ETFA: variants seen among roughly 807,000 people sequenced by gnomAD.
ETFA encodes the protein electron transfer flavoprotein subunit alpha, mitochondrial.
In ETFA, 22 loss-of-function variants were observed where a neutral mutation model predicts 46.2. The observed-to-expected ratio is 0.48, with a 90% CI of 0.34 to 0.68. The LOEUF (loss-of-function observed/expected upper bound fraction) is 0.68. Ranked by LOEUF, ETFA falls within the 30% of genes least tolerant of loss-of-function variation. The probability of loss-of-function intolerance (pLI) is 0.01; values close to 1 mark genes in which losing one functional copy is unlikely to be tolerated. For synonymous variants in ETFA, 131 were observed against 139.9 expected, an observed-to-expected ratio of 0.94 and a Z score of 0.45; for missense variants, 345 against 401.1, an observed-to-expected ratio of 0.86 and a Z score of 1.19.
chr15:76,260,665 CG>C, intron 9 of ETFA: 1 of 1,577,746 alleles, frequency 6.3e-7, no homozygotes, highest in Admixed American at 1.7e-5. Flanking sequence ...AAAGGGCCCT[CG>C]GGGATCACTT....
intron 9 of ETFA, chr15:76,259,601 A>C: frequency 1.0e-6 from 1 of 980,992 alleles, no homozygotes; most frequent in Non-Finnish European, 1.6e-6. Flanking sequence ...ACAGGTTGTC[A>C]GCCAGGCTCT....
intron 9 of ETFA, among the ~76,000 whole-genome samples, chr15:76,273,281 G>A (rs756961835): frequency 2.0e-5 from 3 of 152,190 alleles, no homozygotes; most frequent in African/African-American, 2.4e-5. Flanking sequence ...TTCAGGCCGG[G>A]TGCGGTGGCT....
At chr15:76,288,033 T>C in intron 4 of ETFA, 88 bp from the exon 5 acceptor site, 1 of 850,138 alleles carries the variant, frequency 1.2e-6, no homozygotes, top group East Asian at 2.6e-5. Context: ...TAAATGCATA[T>C]TCTGTAGAAA....
intron 3 of ETFA, 22 bp from the exon 4 acceptor site, chr15:76,292,535 T>TA (rs1396619702): frequency 3.1e-6 from 5 of 1,604,254 alleles, no homozygotes; most frequent in East Asian, 2.2e-5. Context: ...ACACATTTGA[T>TA]AAAAAAATAT....
chr15:76,300,094 T>C (rs1418348927), intron 1 of ETFA, among the ~76,000 whole-genome samples: 3 of 152,208 alleles, frequency 2.0e-5, no homozygotes, highest in African/African-American at 7.2e-5. Context: ...ATCTCAGCAA[T>C]GTTTAAAGTT....
rs66595585 is a variant in ETFA, at chr15:76,233,325, CTTTTT to C, written c.817-1932_817-1928del. On this transcript the variant is annotated intron_variant, in intron 9 of 11. Transcript: ENST00000557943. ...TAAGATTTAGAAGTAATTCAATAGG[CTTTTT>C]TTTTTTTTTTTTTTTTTGAGATGGA... Among the ~76,000 whole-genome samples the C allele has an allele frequency of 1.5e-4, 13 of 84,496 alleles. No homozygotes were observed. The South Asian group carries it at 2.3e-3, about 15-fold the overall frequency. The allele number at this position is 84,496 out of a possible 152,430, so 55.4% of individuals were successfully genotyped here.
chr15:76,254,961 C>A (rs1403586317), intron 9 of ETFA, among the ~76,000 whole-genome samples: 1 of 152,110 alleles, frequency 6.6e-6, no homozygotes, highest in East Asian at 1.9e-4. Flanking sequence ...ACACTGTTGT[C>A]TTACATGGCA....
At chr15:76,268,673 T>TC (rs1022857634) in intron 9 of ETFA, among the ~76,000 whole-genome samples, 2 of 152,256 alleles carry the variant, frequency 1.3e-5, no homozygotes, top group East Asian at 3.9e-4. Context: ...AAGACAGACC[T>TC]CCATCCTTCT....
intron 9 of ETFA, chr15:76,260,525 C>T: frequency 6.8e-7 from 1 of 1,476,350 alleles, no homozygotes; most frequent in Non-Finnish European, 9.4e-7. Context: ...TGGAGACACA[C>T]ACACGTACGA....
At chr15:76,287,030 A>G (rs1388116157) in intron 5 of ETFA, among the ~76,000 whole-genome samples, 4 of 151,762 alleles carry the variant, frequency 2.6e-5, no homozygotes, top group Non-Finnish European at 5.9e-5. Context: ...TGAAAAGTCT[A>G]ATTTCAGAAT....
chr15:76,295,820 G>T, intron 1 of ETFA, 83 bp from the exon 2 acceptor site: 1 of 1,043,666 alleles, frequency 9.6e-7, no homozygotes. Context: ...TGTTAAGCAT[G>T]TATGCTTTAA....
chr15:76,307,251 T>C (rs1205110100), intron 1 of ETFA, among the ~76,000 whole-genome samples: 6 of 152,230 alleles, frequency 3.9e-5, no homozygotes, highest in Non-Finnish European at 7.3e-5. Flanking sequence ...TGCAAATGCC[T>C]ACCTATTTGC....
At chr15:76,304,916 A>G (rs897887046) in intron 1 of ETFA, among the ~76,000 whole-genome samples, 5 of 151,422 alleles carry the variant, frequency 3.3e-5, no homozygotes, top group South Asian at 2.1e-4. Flanking sequence ...GGTGGCGGGC[A>G]CCTGTAGTCC....
intron 9 of ETFA, among the ~76,000 whole-genome samples, chr15:76,235,734 T>C (rs1326280219): frequency 6.6e-6 from 1 of 152,158 alleles, no homozygotes; most frequent in African/African-American, 2.4e-5. Context: ...GTGATAGAGC[T>C]ACAGTCTCTC....
chr15:76,305,055 AAG>A (rs2039927052), intron 1 of ETFA, among the ~76,000 whole-genome samples: 1 of 150,972 alleles, frequency 6.6e-6, no homozygotes, highest in African/African-American at 2.5e-5. Context: ...AAAAAAAAGA[AAG>A]AAAGAAAGAA....
rs148317367 is a variant in ETFA at position 76,305,049 on chromosome 15, A to G, written c.39+6301T>C. On this transcript the variant is annotated intron_variant, in intron 1 of 11. Transcript: ENST00000557943. ...CAGTGAGACTCTGTCTCAAAAAAAA[A>G]AAAGAAAGAAAGAAAGAAAGAAAAT... Among the ~76,000 whole-genome samples, 581 of 150,662 alleles carry G rather than the reference A, an allele frequency of 3.9e-3. 3 individuals are homozygous for G. Among genetic ancestry groups the G allele is most frequent in the African/African-American group, 0.013 (535 of 40,066 alleles).
chr15:76,269,642 A>T (rs1483902325), intron 9 of ETFA, among the ~76,000 whole-genome samples: 1 of 152,138 alleles, frequency 6.6e-6, no homozygotes, highest in Non-Finnish European at 1.5e-5. Flanking sequence ...CGGATTTTGT[A>T]GCCCCCATGG....
At chr15:76,262,142 G>T (rs2039420428) in intron 9 of ETFA, among the ~76,000 whole-genome samples, 1 of 152,124 alleles carries the variant, frequency 6.6e-6, no homozygotes, top group South Asian at 2.1e-4. Flanking sequence ...AAAGTCCCTG[G>T]ATAGGTTTAA....
intron 9 of ETFA, among the ~76,000 whole-genome samples, chr15:76,236,801 G>T (rs1053121194): frequency 1.2e-4 from 19 of 152,152 alleles, no homozygotes; most frequent in Admixed American, 1.2e-3. Context: ...GGTTTAACAT[G>T]ATCAGTTTAT....
Sources: allele counts gnomAD v4.1 joint callset (sites outside exome capture counted in the v4.1 genomes callset), GRCh38; gene constraint gnomAD v4.1.1; transcripts MANE v1.5; gene names NCBI Gene and HGNC (gene_info 2026-07-23, HGNC 2026-07-21).